The following EPB41L4A variants were observed in gnomAD, a reference collection of about 807,000 sequenced individuals.
The protein encoded by EPB41L4A is erythrocyte membrane protein band 4.1 like 4A, also known as band 4.1-like protein 4A.
EPB41L4A carries 100 observed loss-of-function variants against 108.6 expected under a neutral mutation model. The ratio of observed to expected loss-of-function variants is 0.92; its 90% CI spans 0.78 to 1.09. The LOEUF is 1.09. Among genes scored for constraint, EPB41L4A ranks in the 50% least tolerant of loss-of-function variants. EPB41L4A has a pLI of 0.00. For missense variants in EPB41L4A, 1,030 were observed against 842.7 expected, an observed-to-expected ratio of 1.22 and a Z score of -2.75; for synonymous variants, 319 against 289.0, an observed-to-expected ratio of 1.10 and a Z score of -1.05.
chr5:112,326,579 C>G (rs939618340), intron 1 of EPB41L4A, among the ~76,000 whole-genome samples: 1 of 152,220 alleles, frequency 6.6e-6, no homozygotes, highest in Non-Finnish European at 1.5e-5. Flanking sequence ...TCTCTCAACT[C>G]ATCATGCCTC....
At position 112,162,977 on chromosome 5, in the gene EPB41L4A, A is replaced by G. The variant is rs965784714; in HGVS notation, c.*2013T>C. 2 of 152,202 alleles carry G rather than the reference A, an allele frequency of 1.3e-5. No homozygotes were observed. The highest frequency in any genetic ancestry group is 4.8e-5 in the African/African-American group (2 of 41,448). 9.4% of individuals were successfully genotyped at this position (152,202 alleles called of 1,614,324 possible). On this transcript the variant is annotated 3_prime_UTR_variant, in exon 23 of 23. Coordinates refer to ENST00000261486, the MANE Select transcript of EPB41L4A (RefSeq NM_022140.5). ...CTGAGTCCTTACTGAGGCTTGTAAG[A>G]TGGCTATTATGGGAGGTGAGAGTGT...
At position 112,351,685 on chromosome 5, in the gene EPB41L4A, C is replaced by CAG. The variant is rs1335335613; in HGVS notation, c.100-44197_100-44196dup. ...ACAAAAAGAGAGAGACAGAGAGAGACAGAGAGAGAGAAAAACTGTAGGCCT... is the reference window on the plus strand; with the variant it reads ...ACAAAAAGAGAGAGACAGAGAGAGACAGAGAGAGAGAGAAAAACTGTAGGCCT... On this transcript the variant is annotated intron_variant, in intron 1 of 22. Coordinates refer to ENST00000261486, the MANE Select transcript of EPB41L4A (RefSeq NM_022140.5). 2.0e-5 allele frequency among the ~76,000 whole-genome samples: 3 copies of CAG among 152,030 alleles called. No homozygotes were observed. In the East Asian group the frequency reaches 5.8e-4, roughly 29 times the overall value.
At chr5:112,228,689 T>A in intron 12 of EPB41L4A, 1 of 985,114 alleles carries the variant, frequency 1.0e-6, no homozygotes, top group Non-Finnish European at 1.2e-6. Flanking sequence ...ACGATCTCCT[T>A]TGACAGGAAT....
chr5:112,280,243 C>A, intron 3 of EPB41L4A, 29 bp downstream of exon 3: 1 of 1,607,088 alleles, frequency 6.2e-7, no homozygotes. Flanking sequence ...TCAAGCCACC[C>A]TTTAACAAAG....
At chr5:112,320,649 A>G (rs946860216) in intron 1 of EPB41L4A, among the ~76,000 whole-genome samples, 2 of 152,200 alleles carry the variant, frequency 1.3e-5, no homozygotes, top group African/African-American at 4.8e-5. Flanking sequence ...GAGTATGGAC[A>G]AAACAAGCTA....
chr5:112,412,640 C>T (rs1262948096), intron 1 of EPB41L4A, among the ~76,000 whole-genome samples: 13 of 152,100 alleles, frequency 8.5e-5, no homozygotes, highest in Admixed American at 8.5e-4. Context: ...ACATATGAAA[C>T]GTGGAAACAA....
chr5:112,383,094 G>C (rs1404538109), intron 1 of EPB41L4A, among the ~76,000 whole-genome samples: 1 of 152,160 alleles, frequency 6.6e-6, no homozygotes, highest in Non-Finnish European at 1.5e-5. Context: ...TGCATGTGAA[G>C]GGTTAGATGA....
At chr5:112,273,514 T>G (rs189416594) in intron 4 of EPB41L4A, among the ~76,000 whole-genome samples, 94 of 152,324 alleles carry the variant, frequency 6.2e-4, no homozygotes, top group African/African-American at 2.1e-3. Context: ...ATTGAAGATA[T>G]AATTCCACTA....
intron 1 of EPB41L4A, among the ~76,000 whole-genome samples, chr5:112,316,219 T>C (rs993005621): frequency 3.3e-5 from 5 of 152,130 alleles, no homozygotes; most frequent in Non-Finnish European, 5.9e-5. Flanking sequence ...GAAAGGCAGG[T>C]TCCTGCCAGC....
intron 4 of EPB41L4A, among the ~76,000 whole-genome samples, chr5:112,270,816 A>C (rs1335419186): frequency 6.6e-6 from 1 of 152,240 alleles, no homozygotes; most frequent in Non-Finnish European, 1.5e-5. Context: ...AGAAGACATG[A>C]ACATAATATC....
At chr5:112,285,231 C>A (rs1753211289) in intron 2 of EPB41L4A, among the ~76,000 whole-genome samples, 1 of 152,140 alleles carries the variant, frequency 6.6e-6, no homozygotes, top group Middle Eastern at 3.2e-3. Flanking sequence ...AATAAAAGGA[C>A]TTAAAAGCAC....
chr5:112,313,146 T>C (rs1485441737), intron 1 of EPB41L4A, among the ~76,000 whole-genome samples: 1 of 152,146 alleles, frequency 6.6e-6, no homozygotes, highest in Non-Finnish European at 1.5e-5. Flanking sequence ...TTCCAGAATA[T>C]AATGCAAAGT....
At chr5:112,230,876 T>A (rs1213614596) in intron 12 of EPB41L4A, among the ~76,000 whole-genome samples, 1 of 152,206 alleles carries the variant, frequency 6.6e-6, no homozygotes, top group Non-Finnish European at 1.5e-5. Flanking sequence ...TGAACCAAGA[T>A]TGGACCACTG....
At position 112,206,570 on chromosome 5, in the gene EPB41L4A, T is replaced by C. The variant is rs114814859; in HGVS notation, c.1179-1066A>G. Among the ~76,000 whole-genome samples the C allele has an allele frequency of 2.4e-3, 360 of 152,054 alleles. 2 individuals carry two copies. Among genetic ancestry groups the C allele is most frequent in the Non-Finnish European group, 4.6e-3 (316 of 67,984 alleles). ...TTTTGAAATGATGAAAATTAACAAATATGGCAGATATTTAATACGATAGTA... is the reference window on the plus strand; with the variant it reads ...TTTTGAAATGATGAAAATTAACAAACATGGCAGATATTTAATACGATAGTA... On this transcript the variant is annotated intron_variant, in intron 13 of 22. Coordinates refer to ENST00000261486, the MANE Select transcript of EPB41L4A (RefSeq NM_022140.5).
At chr5:112,232,018 G>A (rs1284505741) in intron 12 of EPB41L4A, among the ~76,000 whole-genome samples, 1 of 151,874 alleles carries the variant, frequency 6.6e-6, no homozygotes, top group Non-Finnish European at 1.5e-5. Flanking sequence ...AGAAGGCTGA[G>A]GTGGGAGGAT....
chr5:112,204,740 C>T, intron 14 of EPB41L4A: 1 of 353,350 alleles, frequency 2.8e-6, no homozygotes, highest in African/African-American at 2.0e-5. Flanking sequence ...AATGAACACA[C>T]ACAAATAACA....
intron 1 of EPB41L4A, among the ~76,000 whole-genome samples, chr5:112,408,288 G>C (rs764857579): frequency 2.6e-5 from 4 of 152,068 alleles, no homozygotes; most frequent in Non-Finnish European, 2.9e-5. Context: ...TCAGGCCTTA[G>C]GTTAGGCAAT....
intron 1 of EPB41L4A, among the ~76,000 whole-genome samples, chr5:112,354,798 T>C (rs1758267561): frequency 6.6e-6 from 1 of 152,206 alleles, no homozygotes; most frequent in Non-Finnish European, 1.5e-5. Context: ...CCTGGCTTAA[T>C]TGATGTTGTA....
intron 12 of EPB41L4A, among the ~76,000 whole-genome samples, chr5:112,148,391 AT>A: frequency 6.6e-6 from 1 of 151,774 alleles, no homozygotes; most frequent in Non-Finnish European, 1.5e-5. Flanking sequence ...TTTTAATTAC[AT>A]TTATTATAAG....
Sources: gnomAD v4.1 joint callset for allele counts (sites outside exome capture counted in the v4.1 genomes callset) on GRCh38, gnomAD v4.1.1 for gene constraint, MANE v1.5 for transcripts, NCBI Gene and HGNC (gene_info 2026-07-23, HGNC 2026-07-21) for gene names.